FCRL2: variants seen among roughly 807,000 people sequenced by gnomAD.
FCRL2 encodes the protein Fc receptor like 2.
Under a neutral mutation model 59.8 loss-of-function variants are expected in FCRL2, and 48 were observed. The observed-to-expected ratio is 0.80, with a 90% CI of 0.64 to 1.02. FCRL2 has a LOEUF of 1.02. Among genes scored for constraint, FCRL2 ranks in the 50% least tolerant of loss-of-function variants. The pLI, the probability that FCRL2 is intolerant of heterozygous loss-of-function variation, is 0.00. For synonymous variants in FCRL2, 251 were observed against 229.5 expected (o/e 1.09, Z -0.85); for missense variants, 658 against 597.3 (o/e 1.10, Z -1.06).
chr1:157,766,685 G>A, intron 7 of FCRL2, 170 bp downstream of exon 7: 1 of 1,008,646 alleles, frequency 9.9e-7, no homozygotes, highest in South Asian at 1.8e-5. Flanking sequence ...ATAATTAGCA[G>A]TATGACCACA....
chr1:157,758,237 G>C (rs1013330994), intron 7 of FCRL2, among the ~76,000 whole-genome samples: 1 of 152,198 alleles, frequency 6.6e-6, no homozygotes, highest in Non-Finnish European at 1.5e-5. Context: ...TGATGAGGCA[G>C]GAGGCTCTGT....
At chr1:157,747,810 A>G (rs1332967603) in intron 10 of FCRL2, among the ~76,000 whole-genome samples, 1 of 152,196 alleles carries the variant, frequency 6.6e-6, no homozygotes, top group African/African-American at 2.4e-5. Flanking sequence ...TCTCTAGGTC[A>G]TGTTGATTTA....
intron 5 of FCRL2, 158 bp from the exon 6 acceptor site, chr1:157,767,667 C>T (rs767876970): frequency 6.3e-7 from 1 of 1,594,448 alleles, no homozygotes; most frequent in African/African-American, 1.3e-5. Flanking sequence ...ATTTTCTCAA[C>T]AATATATTTA....
chr1:157,749,643 T>A lies in FCRL2; in HGVS notation c.1307+7A>T. On this transcript the variant is annotated splice_region_variant and intron_variant, in intron 8 of 11. Transcript: ENST00000361516. Reference sequence around the variant, plus strand: ...GAATTAAAATTTTTACTAGGAAGAGTTCTCACCTGGGTTCATTAGTGGCAG... The same window carrying A: ...GAATTAAAATTTTTACTAGGAAGAGATCTCACCTGGGTTCATTAGTGGCAG... 6.2e-7 allele frequency: 1 copy of A among 1,603,652 alleles called. No individual in the cohort carries two copies. Among genetic ancestry groups the A allele is most frequent in the South Asian group, 1.1e-5 (1 of 89,996 alleles).
At chr1:157,763,236 ATATAG>A (rs1254635167) in intron 7 of FCRL2, among the ~76,000 whole-genome samples, 1 of 152,208 alleles carries the variant, frequency 6.6e-6, no homozygotes, top group Admixed American at 6.5e-5. Flanking sequence ...TACTTAAAAT[ATATAG>A]ATGGGGTGCC....
intron 5 of FCRL2, chr1:157,768,112 T>G: frequency 3.2e-6 from 1 of 314,564 alleles, no homozygotes; most frequent in Admixed American, 4.6e-5. Context: ...ACTATGAACC[T>G]TTTAGATCCA....
chr1:157,760,836 C>T (rs1451612762), intron 7 of FCRL2, among the ~76,000 whole-genome samples: 1 of 148,872 alleles, frequency 6.7e-6, no homozygotes, highest in Non-Finnish European at 1.5e-5. Flanking sequence ...GAAGGGCTGC[C>T]TATTTGGTAT....
intron 6 of FCRL2, 66 bp downstream of exon 6, chr1:157,767,165 A>G: frequency 6.5e-7 from 1 of 1,543,142 alleles, no homozygotes. Context: ...CACACAGCAG[A>G]CATCTCCAGG....
At chr1:157,760,686 A>AGAAAGAAG (rs1553203561) in intron 7 of FCRL2, among the ~76,000 whole-genome samples, 22 of 117,174 alleles carry the variant, frequency 1.9e-4, no homozygotes, top group African/African-American at 5.7e-4. Flanking sequence ...AAGGAAAGAA[A>AGAAAGAAG]GAAAGAAAGA....
rs796508629 is a variant in FCRL2, at chr1:157,757,662, T to A, written c.1280-7985A>T. Among the ~76,000 whole-genome samples the A allele has an allele frequency of 3.9e-5, 6 of 152,260 alleles. 1 individual carries two copies. Among genetic ancestry groups the A allele is most frequent in the African/African-American group, 1.4e-4 (6 of 41,550 alleles). On this transcript the variant is annotated intron_variant, in intron 7 of 11. Coordinates refer to ENST00000361516, the MANE Select transcript of FCRL2 (RefSeq NM_030764.4). ...TTAAACTTCCCAGCCTTTAGAATTG[T>A]AAGAAAATTAATTTTGGGGGCTGGG...
At position 157,748,522 on chromosome 1, in the gene FCRL2, A is replaced by G. The variant is rs774828933; in HGVS notation, c.1459+31T>C. 226 of 1,560,700 alleles carry G rather than the reference A, an allele frequency of 1.4e-4. 1 individual carries two copies. The highest frequency in any genetic ancestry group is 5.6e-5 in the Non-Finnish European group (63 of 1,132,984). On this transcript the variant is annotated intron_variant, in intron 10 of 11. Coordinates refer to ENST00000361516, the MANE Select transcript of FCRL2 (RefSeq NM_030764.4). ...ATGCATCACTTTCCTGTGAATATGCATCTGACAAGAACTACTTTGCAGTTT... is the reference window on the plus strand; with the variant it reads ...ATGCATCACTTTCCTGTGAATATGCGTCTGACAAGAACTACTTTGCAGTTT...
chr1:157,746,866 C>T lies in FCRL2; in HGVS notation c.1488+5G>A, dbSNP rs541522210. On this transcript the variant is annotated splice_donor_5th_base_variant and intron_variant, in intron 11 of 11. Coordinates refer to ENST00000361516, the MANE Select transcript of FCRL2 (RefSeq NM_030764.4). ...GATGAAGAAATTCCAAGGTGTCTAG[C>T]TCACCTTGTTCTCCAGAAGTGTCCT... is the stretch of plus-strand genomic sequence containing the variant. 2 of 1,613,888 alleles carry T rather than the reference C, an allele frequency of 1.2e-6. No individual in the cohort carries two copies. The highest frequency in any genetic ancestry group is 3.3e-5 in the Admixed American group (2 of 60,024).
At chr1:157,760,897 C>T (rs969306448) in intron 7 of FCRL2, among the ~76,000 whole-genome samples, 1 of 152,134 alleles carries the variant, frequency 6.6e-6, no homozygotes, top group Admixed American at 6.5e-5. Flanking sequence ...ACCTGCAAGA[C>T]AACCAATTTA....
chr1:157,760,698 GGAAAGAAAGAAAGAAA>G lies in FCRL2; in HGVS notation c.1279+6141_1279+6156del, dbSNP rs1163684979. Among the ~76,000 whole-genome samples the G allele has an allele frequency of 5.6e-3, 541 of 97,252 alleles. 3 individuals carry two copies. Among genetic ancestry groups the G allele is most frequent in the African/African-American group, 0.02 (427 of 21,396 alleles). 63.8% of individuals were successfully genotyped at this position (97,252 alleles called of 152,430 possible). On this transcript the variant is annotated intron_variant, in intron 7 of 11. Transcript: ENST00000361516. ...AGGAAGGAAAGAAAGAAAGAAAGAA[GGAAAGAAAGAAAGAAA>G]GAAAGAAAGAAAGAAAGAAAGAAAG... is the stretch of plus-strand genomic sequence containing the variant.
At chr1:157,747,277 G>C (rs16839024) in intron 10 of FCRL2, among the ~76,000 whole-genome samples, 4,873 of 152,240 alleles carry the variant, frequency 0.032, 247 homozygotes, top group African/African-American at 0.11. Flanking sequence ...AAGGAAATTG[G>C]AATAGAAGCA....
chr1:157,775,632 G>A (rs1170770242), intron 2 of FCRL2, 143 bp downstream of exon 2: 3 of 766,214 alleles, frequency 3.9e-6, no homozygotes, highest in South Asian at 2.6e-5. Flanking sequence ...AACAGGCTGC[G>A]TGACCTCAGA....
intron 10 of FCRL2, among the ~76,000 whole-genome samples, chr1:157,747,386 G>A (rs115272582): frequency 6.6e-6 from 1 of 152,170 alleles, no homozygotes; most frequent in Non-Finnish European, 1.5e-5. Flanking sequence ...TTCCAGGTAG[G>A]CATAGTGGGA....
rs1557868229 is a variant in FCRL2 at position 157,769,861 on chromosome 1, C to T, written c.595+5G>A. The T allele has an allele frequency of 2.5e-6, 4 of 1,613,144 alleles. No individual in the cohort carries two copies. The highest frequency in any genetic ancestry group is 3.4e-6 in the Non-Finnish European group (4 of 1,179,240). ...TTCTCCAGGCTCAGCCTCACTGATA[C>T]TTGCTCTGCACGTGAATCTGGGATT... On this transcript the variant is annotated splice_donor_5th_base_variant and intron_variant, in intron 4 of 11. Coordinates refer to ENST00000361516, the MANE Select transcript of FCRL2 (RefSeq NM_030764.4).
intron 7 of FCRL2, among the ~76,000 whole-genome samples, chr1:157,764,029 C>CAAAA (rs34230382): frequency 0.026 from 2,725 of 103,092 alleles, 173 homozygotes; most frequent in African/African-American, 0.1. Flanking sequence ...GACTTCATCT[C>CAAAA]AAAAAAAAAA....
Sources: allele counts gnomAD v4.1 joint callset (sites outside exome capture counted in the v4.1 genomes callset), GRCh38; gene constraint gnomAD v4.1.1; transcripts MANE v1.5; gene names NCBI Gene and HGNC (gene_info 2026-07-23, HGNC 2026-07-21).